SUCLG2: variants seen among roughly 807,000 people sequenced by gnomAD.
SUCLG2 encodes succinate--CoA ligase [GDP-forming] subunit beta, mitochondrial.
In SUCLG2, 42 loss-of-function variants were observed where a neutral mutation model predicts 47.9. The observed-to-expected ratio is 0.88, with a 90% CI of 0.69 to 1.14. The LOEUF is 1.14. SUCLG2 is among the 50% of genes most tolerant of loss of function. The pLI, the probability that SUCLG2 is intolerant of heterozygous loss-of-function variation, is 0.00. For synonymous variants in SUCLG2, 195 were observed against 197.3 expected, an observed-to-expected ratio of 0.99 and a Z score of 0.10; for missense variants, 571 against 525.9, an observed-to-expected ratio of 1.09 and a Z score of -0.84.
chr3:67,477,118 G>C (rs553010696), intron 9 of SUCLG2, among the ~76,000 whole-genome samples: 8 of 152,166 alleles, frequency 5.3e-5, no homozygotes, highest in Middle Eastern at 3.4e-3. Context: ...ATCACCCTCT[G>C]TATCACTCCT....
chr3:67,524,265 T>C (rs1405639106), intron 4 of SUCLG2, among the ~76,000 whole-genome samples: 1 of 152,368 alleles, frequency 6.6e-6, no homozygotes, highest in South Asian at 2.1e-4. Context: ...ATCGTCTTTG[T>C]GGAGTCCACC....
chr3:67,520,336 C>T, intron 5 of SUCLG2, 146 bp downstream of exon 5: 1 of 1,156,028 alleles, frequency 8.7e-7, no homozygotes, highest in Non-Finnish European at 1.2e-6. Context: ...CAACTGGATA[C>T]CCAGAAAGAA....
At chr3:67,604,645 T>C (rs532521147) in intron 2 of SUCLG2, among the ~76,000 whole-genome samples, 2 of 114,498 alleles carry the variant, frequency 1.7e-5, no homozygotes, top group African/African-American at 8.1e-5. Context: ...GTAAGTAGGG[T>C]GGCGAGAAGA....
intron 10 of SUCLG2, among the ~76,000 whole-genome samples, chr3:67,379,482 T>C (rs1434135978): frequency 6.6e-6 from 1 of 152,246 alleles, no homozygotes; most frequent in African/African-American, 2.4e-5. Flanking sequence ...TTCCTTTGCA[T>C]GTGTATGGAT....
intron 5 of SUCLG2, 130 bp downstream of exon 5, chr3:67,520,352 G>C (rs1167200886): frequency 1.5e-6 from 2 of 1,317,124 alleles, no homozygotes; most frequent in African/African-American, 1.5e-5. Context: ...AAGAAAAAGG[G>C]CTCAGCATCT....
intron 9 of SUCLG2, 95 bp from the exon 10 acceptor site, chr3:67,400,946 T>G: frequency 6.5e-7 from 1 of 1,538,614 alleles, no homozygotes; most frequent in East Asian, 2.4e-5. Context: ...AAAATAAGAC[T>G]GCTCGTTTTT....
At chr3:67,626,051 G>A (rs71621318) in intron 1 of SUCLG2, among the ~76,000 whole-genome samples, 47,502 of 150,114 alleles carry the variant, frequency 0.32, 7,827 homozygotes, top group Non-Finnish European at 0.36. Flanking sequence ...GATGAGTCTC[G>A]CTCTGTCGCC....
intron 4 of SUCLG2, among the ~76,000 whole-genome samples, chr3:67,525,084 A>C (rs1406045769): frequency 2.6e-5 from 4 of 152,264 alleles, no homozygotes; most frequent in Non-Finnish European, 5.9e-5. Context: ...AACATATACC[A>C]AACGTATATG....
At chr3:67,466,528 T>C (rs1215536653) in intron 9 of SUCLG2, among the ~76,000 whole-genome samples, 6 of 152,198 alleles carry the variant, frequency 3.9e-5, no homozygotes. Context: ...AAAAATAAAC[T>C]TAGTGTATCC....
At chr3:67,642,320 A>T (rs117528133) in intron 1 of SUCLG2, among the ~76,000 whole-genome samples, 1 of 152,162 alleles carries the variant, frequency 6.6e-6, no homozygotes, top group African/African-American at 2.4e-5. Context: ...AAATGGGCTT[A>T]GTAGCTAGGC....
intron 2 of SUCLG2, among the ~76,000 whole-genome samples, chr3:67,569,833 G>C (rs1192352330): frequency 6.6e-6 from 1 of 152,168 alleles, no homozygotes; most frequent in Non-Finnish European, 1.5e-5. Flanking sequence ...TGTTGGGATA[G>C]GGTGAATGTA....
At chr3:67,535,527 T>G (rs1706515749) in intron 2 of SUCLG2, among the ~76,000 whole-genome samples, 1 of 152,240 alleles carries the variant, frequency 6.6e-6, no homozygotes, top group Non-Finnish European at 1.5e-5. Context: ...GGGAGGTGCT[T>G]GGGTCACGGG....
At chr3:67,616,725 A>G (rs1335070777) in intron 1 of SUCLG2, among the ~76,000 whole-genome samples, 1 of 152,176 alleles carries the variant, frequency 6.6e-6, no homozygotes, top group Non-Finnish European at 1.5e-5. Context: ...CCTTACTTAA[A>G]TGTAGCAGGG....
intron 1 of SUCLG2, among the ~76,000 whole-genome samples, chr3:67,624,990 C>T (rs1028762347): frequency 6.6e-6 from 1 of 152,180 alleles, no homozygotes; most frequent in Admixed American, 6.5e-5. Flanking sequence ...GCAAAGGAAA[C>T]AATATCCTAA....
chr3:67,408,715 A>C, intron 9 of SUCLG2: 1 of 1,247,056 alleles, frequency 8.0e-7, no homozygotes, highest in Non-Finnish European at 1.0e-6. Flanking sequence ...AATAAGCAAA[A>C]CTGTATGGAG....
chr3:67,554,782 G>T lies in SUCLG2; in HGVS notation c.227-25596C>A, dbSNP rs554438953. On this transcript the variant is annotated intron_variant, in intron 2 of 10. Transcript: ENST00000307227. ...TTCATGGTCATACTGGCTACCAGTA[G>T]CCATAATAAAATCACACGCCCACAA... 4.9e-4 allele frequency among the ~76,000 whole-genome samples: 75 copies of T among 152,218 alleles called. 1 individual carries two copies. Among genetic ancestry groups the T allele is most frequent in the African/African-American group, 1.7e-3 (70 of 41,530 alleles).
At chr3:67,556,620 A>G (rs549616756) in intron 2 of SUCLG2, among the ~76,000 whole-genome samples, 5 of 152,298 alleles carry the variant, frequency 3.3e-5, no homozygotes, top group East Asian at 1.9e-4. Flanking sequence ...CTGTATCTGC[A>G]TATATTTCTT....
intron 5 of SUCLG2, 96 bp from the exon 6 acceptor site, chr3:67,518,432 T>A: frequency 8.7e-7 from 1 of 1,143,680 alleles, no homozygotes; most frequent in Non-Finnish European, 1.2e-6. Flanking sequence ...TGCAAATGAG[T>A]AATTAAAGTG....
At chr3:67,478,859 A>G (rs1210704059) in intron 9 of SUCLG2, among the ~76,000 whole-genome samples, 1 of 152,208 alleles carries the variant, frequency 6.6e-6, no homozygotes, top group Non-Finnish European at 1.5e-5. Flanking sequence ...TAAAGGCACT[A>G]AAATGTATGG....
Sources: allele counts gnomAD v4.1 joint callset (sites outside exome capture counted in the v4.1 genomes callset), GRCh38; gene constraint gnomAD v4.1.1; transcripts MANE v1.5; gene names NCBI Gene and HGNC (gene_info 2026-07-23, HGNC 2026-07-21).